The following AGBL1 variants were observed in gnomAD, a reference collection of about 807,000 sequenced individuals.
AGBL1 encodes cytosolic carboxypeptidase 4.
A neutral mutation model predicts 118.9 loss-of-function variants in AGBL1; 130 were observed. That is an observed-to-expected ratio of 1.09 (90% CI 0.95 to 1.26). The LOEUF (loss-of-function observed/expected upper bound fraction) is 1.26. Among genes scored for constraint, AGBL1 ranks in the 50% most tolerant of loss-of-function variants. The pLI is 0.00. For synonymous variants in AGBL1, 555 were observed against 478.9 expected (o/e 1.16, Z -2.08); for missense variants, 1,584 against 1,298.1 (o/e 1.22, Z -3.38).
rs138055707 is a variant in AGBL1 at position 86,518,316 on chromosome 15, A to G, written c.2556-4494A>G. 5.9e-3 allele frequency among the ~76,000 whole-genome samples: 891 copies of G among 151,752 alleles called. 6 individuals are homozygous for G. The highest frequency in any genetic ancestry group is 0.014 in the Middle Eastern group (4 of 292). ...CCTCTGGAGGATCCCTGTTCTCAGT[A>G]GATAAACGAGATCCACAATTAATGT... On this transcript the variant is annotated intron_variant, in intron 18 of 22. Coordinates refer to ENST00000614907, the MANE Select transcript of AGBL1 (RefSeq NM_001386094.1).
chr15:86,539,861 C>T (rs985460815), intron 19 of AGBL1, among the ~76,000 whole-genome samples: 9 of 152,282 alleles, frequency 5.9e-5, no homozygotes, highest in Middle Eastern at 3.4e-3. Flanking sequence ...TCCCAGAGAA[C>T]GCTGCTTATC....
In AGBL1 at chr15:86,615,698, A is replaced by G. The variant is rs1015376768; in HGVS notation, c.2995-58575A>G. On this transcript the variant is annotated intron_variant, in intron 21 of 22. Transcript: ENST00000614907. The surrounding 1 kb of genome is among the most constrained non-coding windows in gnomAD (Gnocchi z 4.3). ...TGCAAAGACATTGATTGACATGTTA[A>G]GAAGATTCAAAACTACTCAAAGCCA... Among the ~76,000 whole-genome samples the G allele has an allele frequency of 1.3e-5, 2 of 152,202 alleles. No homozygotes were observed. The highest frequency in any genetic ancestry group is 4.8e-5 in the African/African-American group (2 of 41,462).
At chr15:86,605,238 C>T (rs1161833629) in intron 21 of AGBL1, among the ~76,000 whole-genome samples, 1 of 152,000 alleles carries the variant, frequency 6.6e-6, no homozygotes, top group Non-Finnish European at 1.5e-5. Flanking sequence ...ATCAACAAGC[C>T]TGTTCTTAAA....
chr15:86,969,416 C>T lies in AGBL1; in HGVS notation c.3222-18571C>T, dbSNP rs143175148. ...CTAGTAATCACGGGATACAAGAAAA[C>T]GAAGCACAGGAAGTGGAACACCTTA... On this transcript the variant is annotated intron_variant, in intron 23 of 24. Coordinates refer to the AGBL1 transcript ENST00000441037. Among the ~76,000 whole-genome samples the T allele has an allele frequency of 4.0e-3, 609 of 151,840 alleles. 8 individuals carry two copies. Among genetic ancestry groups the T allele is most frequent in the African/African-American group, 0.014 (574 of 41,292 alleles).
At chr15:86,794,883 G>A (rs1390127489) in intron 22 of AGBL1, among the ~76,000 whole-genome samples, 1 of 152,162 alleles carries the variant, frequency 6.6e-6, no homozygotes, top group Non-Finnish European at 1.5e-5. Flanking sequence ...TTCTAGTTAT[G>A]TTGAGAAAGT....
chr15:86,695,189 T>C (rs2086235439), intron 22 of AGBL1, among the ~76,000 whole-genome samples: 1 of 152,110 alleles, frequency 6.6e-6, no homozygotes, highest in Non-Finnish European at 1.5e-5. Context: ...TCTTTGAATG[T>C]CCAATAGAAT....
chr15:86,233,565 A>G (rs2078490908), intron 6 of AGBL1, among the ~76,000 whole-genome samples: 1 of 152,158 alleles, frequency 6.6e-6, no homozygotes, highest in South Asian at 2.1e-4. Flanking sequence ...AGAAGAAATC[A>G]AGTTTGAAAA....
At chr15:86,315,908 G>T (rs2079999352) in intron 17 of AGBL1, among the ~76,000 whole-genome samples, 1 of 152,056 alleles carries the variant, frequency 6.6e-6, no homozygotes, top group Non-Finnish European at 1.5e-5. Flanking sequence ...AATACCAGAG[G>T]GGAGGAAATA....
intron 21 of AGBL1, among the ~76,000 whole-genome samples, chr15:86,672,647 G>C (rs1437209819): frequency 1.3e-5 from 2 of 152,118 alleles, no homozygotes; most frequent in Admixed American, 1.3e-4. Flanking sequence ...AAAGTAACCT[G>C]GAAAAGGGGT....
At chr15:86,360,873 T>C (rs1479871646) in intron 17 of AGBL1, among the ~76,000 whole-genome samples, 1 of 152,016 alleles carries the variant, frequency 6.6e-6, no homozygotes, top group African/African-American at 2.4e-5. Flanking sequence ...AATGTCACCT[T>C]TCTCTTAAGC....
At chr15:86,847,274 A>C (rs900231178) in intron 22 of AGBL1, among the ~76,000 whole-genome samples, 1 of 152,132 alleles carries the variant, frequency 6.6e-6, no homozygotes, top group African/African-American at 2.4e-5. Context: ...GTTTCTAATC[A>C]CTGCTTGTTC....
At chr15:86,994,692 C>A (rs2081364878) in intron 24 of AGBL1, among the ~76,000 whole-genome samples, 1 of 152,102 alleles carries the variant, frequency 6.6e-6, no homozygotes. Context: ...AGAAAAGTTG[C>A]TTTCAAAGTT....
At chr15:86,409,378 C>G (rs1428132381) in intron 18 of AGBL1, among the ~76,000 whole-genome samples, 1 of 152,104 alleles carries the variant, frequency 6.6e-6, no homozygotes, top group African/African-American at 2.4e-5. Flanking sequence ...GCTGCTAAGT[C>G]ATTTGCATAG....
At chr15:86,541,813 C>T (rs2083501455) in intron 19 of AGBL1, among the ~76,000 whole-genome samples, 1 of 152,098 alleles carries the variant, frequency 6.6e-6, no homozygotes, top group Non-Finnish European at 1.5e-5. Flanking sequence ...CAACAACTAC[C>T]TCATGTTGCC....
chr15:86,689,568 T>C (rs1210545308), intron 22 of AGBL1, among the ~76,000 whole-genome samples: 1 of 152,142 alleles, frequency 6.6e-6, no homozygotes, highest in Non-Finnish European at 1.5e-5. Context: ...TATAATTCCA[T>C]GCAATTGTTG....
intron 22 of AGBL1, among the ~76,000 whole-genome samples, chr15:86,692,550 A>G (rs2142609769): frequency 6.6e-6 from 1 of 152,248 alleles, no homozygotes; most frequent in South Asian, 2.1e-4. Flanking sequence ...GTTGAGGAAT[A>G]AATACCACAT....
At chr15:86,917,202 G>A (rs773346196), downstream of AGBL1, among the ~76,000 whole-genome samples, 2 of 152,112 alleles carry the variant, frequency 1.3e-5, no homozygotes, top group African/African-American at 2.4e-5. The surrounding 1 kb of genome is among the most constrained non-coding windows in gnomAD (Gnocchi z 4.8). Flanking sequence ...TCTCAGGCTC[G>A]TTTCCTCCCC....
intron 17 of AGBL1, among the ~76,000 whole-genome samples, chr15:86,335,842 T>C (rs1375623972): frequency 6.6e-6 from 1 of 152,254 alleles, no homozygotes; most frequent in East Asian, 1.9e-4. Flanking sequence ...CAGGACACTC[T>C]ACTCCTGGTT....
At position 86,914,882 on chromosome 15, in the gene AGBL1, C is replaced by T. The variant is rs866017775; in HGVS notation, c.*7588C>T. On this transcript the variant is annotated 3_prime_UTR_variant, in exon 23 of 23. Coordinates refer to ENST00000614907, the MANE Select transcript of AGBL1 (RefSeq NM_001386094.1). ...AGATCCTTGACTCAAATACAAGTAA[C>T]TCCTACTGGCCATTTCTGCATAACT... 1 of 152,308 alleles carries T rather than the reference C, an allele frequency of 6.6e-6. No homozygotes were observed. The highest frequency in any genetic ancestry group is 2.4e-5 in the African/African-American group (1 of 41,566). The allele number at this position is 152,308 out of a possible 1,614,324, so 9.4% of individuals were successfully genotyped here.
Sources: allele counts gnomAD v4.1 joint callset (sites outside exome capture counted in the v4.1 genomes callset), GRCh38; gene constraint gnomAD v4.1.1; non-coding constraint Gnocchi (gnomAD v3.1); transcripts MANE v1.5; gene names NCBI Gene and HGNC (gene_info 2026-07-23, HGNC 2026-07-21).